RNF207: variants seen among roughly 807,000 people sequenced by gnomAD.
RNF207 encodes the protein OTTHUMG00000001089.
In RNF207, 72 loss-of-function variants were observed where a neutral mutation model predicts 79.0. The observed-to-expected ratio is 0.91, with a 90% CI of 0.75 to 1.11. The LOEUF (loss-of-function observed/expected upper bound fraction) is 1.11, where lower values mean the gene tolerates loss of function less well. Among genes scored for constraint, RNF207 ranks in the 50% least tolerant of loss-of-function variants. The pLI is 0.00. For synonymous variants in RNF207, 348 were observed against 366.2 expected, an observed-to-expected ratio of 0.95 and a Z score of 0.57; for missense variants, 936 against 855.8, an observed-to-expected ratio of 1.09 and a Z score of -1.17.
Position 6,206,695 on chromosome 1 carries a change from A to G in RNF207, c.160A>G (p.Thr54Ala), listed in dbSNP as rs762381396. 5.4e-5 allele frequency: 86 copies of G among 1,602,770 alleles called. No individual in the cohort carries two copies. Among genetic ancestry groups the G allele is most frequent in the Non-Finnish European group, 7.3e-5 (86 of 1,179,692 alleles). ...FCAGCLRGRA[T>A]DGRLTCPLCQ... ...TGCCGGCTGCCTGCGTGGCCGCGCG[A>G]CCGACGGCCGCCTCACCTGCCCGCT... Residue 54 changes from threonine (T) to alanine (A), a missense_variant, in exon 2 of 18, where the codon ACC (threonine) becomes GCC (alanine). Thr to Ala is a moderately conservative substitution (Grantham distance 58). Transcript: ENST00000377939.
intron 1 of RNF207, 73 bp from the exon 2 acceptor site, chr1:6,206,463 G>C: frequency 3.3e-6 from 4 of 1,216,990 alleles, no homozygotes; most frequent in Non-Finnish European, 4.5e-6. Context: ...GCGGGCGCCC[G>C]GGCAGAGGGG....
intron 7 of RNF207, 37 bp downstream of exon 7, chr1:6,209,576 G>C: frequency 5.6e-6 from 8 of 1,431,860 alleles, no homozygotes; most frequent in Non-Finnish European, 7.3e-6. Context: ...CGACCCAGCC[G>C]GGACCTGGTG....
chr1:6,214,957 T>G (rs1438126073), intron 16 of RNF207, among the ~76,000 whole-genome samples: 6 of 151,144 alleles, frequency 4.0e-5, no homozygotes, highest in Admixed American at 4.0e-4. Flanking sequence ...TCTTCACTTT[T>G]TCTTTTTGGA....
At position 6,219,296 on chromosome 1, in the gene RNF207, C is replaced by T. The variant is rs778974229; in HGVS notation, c.1794C>T (p.Ser598=). Residue 598 remains serine (S), a synonymous_variant, in exon 18 of 18, where the codon AGC becomes AGT. Coordinates refer to ENST00000377939, the MANE Select transcript of RNF207 (RefSeq NM_207396.3). Reference sequence around the variant, plus strand: ...AGACATCAGAGCCTAAAGGAAACAGCTGGGCTCCGAACGGCCTCTCAGAAG... The same window carrying T: ...AGACATCAGAGCCTAAAGGAAACAGTTGGGCTCCGAACGGCCTCTCAGAAG... The part of the protein sequence containing the change: ...REKTSEPKGN[S]WAPNGLSEEP... 1.2e-6 allele frequency: 2 copies of T among 1,613,562 alleles called. No individual in the cohort carries two copies. The highest frequency in any genetic ancestry group is 1.1e-5 in the South Asian group (1 of 91,040).
Position 6,212,249 on chromosome 1 carries a change from C to G in RNF207, c.1315C>G (p.Gln439Glu). The G allele has an allele frequency of 6.2e-7, 1 of 1,612,912 alleles. No homozygotes were observed. ...DSYRHLQAEMQSLKDQVQELH... is the reference protein window; with the variant it reads ...DSYRHLQAEMESLKDQVQELH... ...TGTGCAGCACCTGCAGGCAGAGATG[C>G]AGAGCCTAAAGGACCAGGTACAGGA... is the stretch of plus-strand genomic sequence containing the variant. Residue 439 changes from glutamine (Q) to glutamate (E), a missense_variant, in exon 14 of 18, where the codon CAG becomes GAG. By Grantham distance (29) the Gln-to-Glu change is conservative. Transcript: ENST00000377939.
Position 6,220,909 on chromosome 1 carries a change from C to A in RNF207, c.*1502C>A, listed in dbSNP as rs1251472901. 6.6e-6 allele frequency: 1 copy of A among 152,216 alleles called. No individual in the cohort carries two copies. The highest frequency in any genetic ancestry group is 1.5e-5 in the Non-Finnish European group (1 of 68,048). 9.4% of individuals were successfully genotyped at this position (152,216 alleles called of 1,614,324 possible). On this transcript the variant is annotated 3_prime_UTR_variant, in exon 18 of 18. Transcript: ENST00000377939. ...CAGTGATTAACAGCAAATGGGTCTA[C>A]GTGCTAACATGGCAGCACATTCAAC...
At chr1:6,210,962 A>G in intron 11 of RNF207, 24 bp downstream of exon 11, 2 of 1,600,090 alleles carry the variant, frequency 1.2e-6, no homozygotes, top group East Asian at 2.3e-5. Context: ...TGGGTGGGCC[A>G]GGGTCGGGGG....
At chr1:6,215,472 ATCT>A (rs1215067924) in intron 16 of RNF207, among the ~76,000 whole-genome samples, 1 of 150,874 alleles carries the variant, frequency 6.6e-6, no homozygotes, top group East Asian at 2.0e-4. Flanking sequence ...AAGCCTCTTT[ATCT>A]TCCATTAAGT....
chr1:6,211,290 C>T lies in RNF207; in HGVS notation c.1109+172C>T, dbSNP rs758586615. On this transcript the variant is annotated intron_variant, in intron 12 of 17. Coordinates refer to ENST00000377939, the MANE Select transcript of RNF207 (RefSeq NM_207396.3). This position sits in a 1 kb window ranked among gnomAD's most constrained non-coding sequence, Gnocchi z 4.2. Reference sequence around the variant, plus strand: ...GTCTGGGCACAGGGGATGGCCAGGGCGAGTCCACTAAGTAGGGGAACAGGA... The same window carrying T: ...GTCTGGGCACAGGGGATGGCCAGGGTGAGTCCACTAAGTAGGGGAACAGGA... Among the ~76,000 whole-genome samples the T allele has an allele frequency of 6.6e-6, 1 of 152,112 alleles. No homozygotes were observed. The highest frequency in any genetic ancestry group is 1.5e-5 in the Non-Finnish European group (1 of 68,006).
intron 17 of RNF207, 98 bp downstream of exon 17, chr1:6,218,467 A>G: frequency 1.1e-6 from 1 of 895,012 alleles, no homozygotes; most frequent in East Asian, 2.6e-5. Flanking sequence ...CTTTGGCGCC[A>G]GCTCTGGGGC....
Position 6,212,000 on chromosome 1 carries a change from G to T in RNF207, c.1243G>T (p.Gly415Cys). 6.3e-7 allele frequency: 1 copy of T among 1,591,914 alleles called. No homozygotes were observed. The highest frequency in any genetic ancestry group is 8.5e-7 in the Non-Finnish European group (1 of 1,170,368). ...CAGCACCAAGGTGCTGCTGGCGGAG[G>T]GCGAGAACACGCCCTTCGCAGAGCA... The part of the protein sequence containing the change: ...SISTKVLLAE[G>C]ENTPFAEHCR... Residue 415 changes from glycine (G) to cysteine (C), a missense_variant, in exon 13 of 18, where the codon GGC (glycine) becomes TGC (cysteine). Coordinates refer to ENST00000377939, the MANE Select transcript of RNF207 (RefSeq NM_207396.3). This position sits in a 1 kb window ranked among gnomAD's most constrained non-coding sequence, Gnocchi z 4.2.
chr1:6,208,722 T>C (rs1320731291), intron 3 of RNF207, 159 bp from the exon 4 acceptor site: 1 of 706,348 alleles, frequency 1.4e-6, no homozygotes, highest in Non-Finnish European at 2.3e-6. Context: ...AAAGTGGGTA[T>C]ATCAGAGCGC....
chr1:6,214,959 C>G (rs1203375848), intron 16 of RNF207, among the ~76,000 whole-genome samples: 1 of 151,326 alleles, frequency 6.6e-6, no homozygotes, highest in Non-Finnish European at 1.5e-5. Flanking sequence ...TTCACTTTTT[C>G]TTTTTGGAAT....
chr1:6,212,870 C>T (rs972545203), intron 15 of RNF207, 137 bp downstream of exon 15: 1 of 839,824 alleles, frequency 1.2e-6, no homozygotes. Context: ...CCGTGCCTCC[C>T]AGCTGCTAAC....
chr1:6,207,673 CGG>C lies in RNF207; in HGVS notation c.324+163_324+164del. 1 of 811,554 alleles carries C rather than the reference CGG, an allele frequency of 1.2e-6. No individual in the cohort carries two copies. The highest frequency in any genetic ancestry group is 1.5e-5 in the South Asian group (1 of 68,898). 50.3% of individuals were successfully genotyped at this position (811,554 alleles called of 1,614,324 possible). On this transcript the variant is annotated intron_variant, in intron 3 of 17. Coordinates refer to ENST00000377939, the MANE Select transcript of RNF207 (RefSeq NM_207396.3). This position sits in a 1 kb window ranked among gnomAD's most constrained non-coding sequence, Gnocchi z 4.5. The stretch of plus-strand genomic sequence containing the variant: ...GCCCCAAATGTGAACCCCATTATAC[CGG>C]TGGGGAGACTGAGGTCCAGAACAAG...
chr1:6,213,468 TAAAAAA>T (rs547886824), intron 16 of RNF207, among the ~76,000 whole-genome samples: 1 of 119,244 alleles, frequency 8.4e-6, no homozygotes, highest in Non-Finnish European at 1.8e-5. Flanking sequence ...GACCTTGTCT[TAAAAAA>T]AAAAAAAAAA....
Position 6,219,303 on chromosome 1 carries a change from C to G in RNF207, c.1801C>G (p.Pro601Ala). 1 of 1,613,684 alleles carries G rather than the reference C, an allele frequency of 6.2e-7. No homozygotes were observed. The highest frequency in any genetic ancestry group is 8.5e-7 in the Non-Finnish European group (1 of 1,179,810). The change falls in exon 18 of 18, where the codon CCG becomes GCG. Residue 601 changes from proline (P) to alanine (A), a missense_variant. Pro to Ala is a conservative substitution (Grantham distance 27). Coordinates refer to ENST00000377939, the MANE Select transcript of RNF207 (RefSeq NM_207396.3). Reference sequence around the variant, plus strand: ...AGAGCCTAAAGGAAACAGCTGGGCTCCGAACGGCCTCTCAGAAGAGCCTCT... The same window carrying G: ...AGAGCCTAAAGGAAACAGCTGGGCTGCGAACGGCCTCTCAGAAGAGCCTCT... ...TSEPKGNSWA[P>A]NGLSEEPLLK... is the part of the protein sequence containing the mutation.
Position 6,219,336 on chromosome 1 carries a change from A to C in RNF207, c.1834A>C (p.Asn612His), listed in dbSNP as rs1304384560. The C allele has an allele frequency of 6.2e-7, 1 of 1,613,340 alleles. No homozygotes were observed. The highest frequency in any genetic ancestry group is 1.3e-5 in the African/African-American group (1 of 74,886). Reference protein sequence around the residue: ...NGLSEEPLLKNMDHHRSKQKN... With the variant: ...NGLSEEPLLKHMDHHRSKQKN... ...CCTCTCAGAAGAGCCTCTACTGAAAAATATGGATCATCACAGATCCAAACA... is the reference window on the plus strand; with the variant it reads ...CCTCTCAGAAGAGCCTCTACTGAAACATATGGATCATCACAGATCCAAACA... Residue 612 changes from asparagine to histidine, a missense_variant, in exon 18 of 18, where the codon AAT becomes CAT. Asn to His is a moderately conservative substitution (Grantham distance 68, BLOSUM62 1). Transcript: ENST00000377939.
At chr1:6,213,219 C>G (rs1430868958) in intron 16 of RNF207, 36 bp downstream of exon 16, 8 of 1,380,460 alleles carry the variant, frequency 5.8e-6, no homozygotes, top group South Asian at 1.2e-5. Context: ...GCCACTGAGA[C>G]TCTTCAGAAT....
Sources: allele counts gnomAD v4.1 joint callset (sites outside exome capture counted in the v4.1 genomes callset), GRCh38; gene constraint gnomAD v4.1.1; non-coding constraint Gnocchi (gnomAD v3.1); transcripts MANE v1.5; gene names NCBI Gene and HGNC (gene_info 2026-07-23, HGNC 2026-07-21).